WWOX: variants seen among roughly 807,000 people sequenced by gnomAD.
WWOX encodes the protein WW domain containing oxidoreductase.
WWOX carries 69 observed loss-of-function variants against 46.2 expected under a neutral mutation model. That is an observed-to-expected ratio of 1.49 (90% confidence interval 1.23 to 1.82). WWOX has a LOEUF of 1.82. WWOX is among the 40% of genes most tolerant of loss of function. The pLI is 0.00. For synonymous variants in WWOX, 359 were observed against 202.6 expected (o/e 1.77, Z -6.56); for missense variants, 919 against 542.6 (o/e 1.69, Z -6.89).
chr16:78,797,153 G>T (rs1204276592), intron 8 of WWOX, among the ~76,000 whole-genome samples: 1 of 151,896 alleles, frequency 6.6e-6, no homozygotes, highest in Non-Finnish European at 1.5e-5. Flanking sequence ...TAGAAGTGGG[G>T]AAATCGTACC....
chr16:78,949,503 G>C (rs1344533241), intron 8 of WWOX, among the ~76,000 whole-genome samples: 3 of 152,152 alleles, frequency 2.0e-5, no homozygotes, highest in Non-Finnish European at 4.4e-5. Flanking sequence ...GCTTTTGTGG[G>C]ATGATGAGTG....
intron 8 of WWOX, among the ~76,000 whole-genome samples, chr16:79,155,021 C>G (rs1290437453): frequency 6.6e-6 from 1 of 152,230 alleles, no homozygotes; most frequent in Admixed American, 6.5e-5. Flanking sequence ...TCATCTGTGC[C>G]TTCACCCAGA....
At chr16:78,557,397 ACATT>A (rs1160241827) in intron 8 of WWOX, among the ~76,000 whole-genome samples, 1 of 152,112 alleles carries the variant, frequency 6.6e-6, no homozygotes, top group Non-Finnish European at 1.5e-5. Context: ...CTCAATTGTC[ACATT>A]CATTCAGCAG....
intron 8 of WWOX, among the ~76,000 whole-genome samples, chr16:78,977,640 A>G (rs1021414710): frequency 7.2e-5 from 11 of 152,100 alleles, no homozygotes; most frequent in African/African-American, 2.2e-4. Flanking sequence ...GAAAACAGTG[A>G]AAGCTCAGCC....
At chr16:78,744,422 CTTTTTTTTTTTTTTTTTT>C (rs976073233) in intron 8 of WWOX, among the ~76,000 whole-genome samples, 2 of 82,256 alleles carry the variant, frequency 2.4e-5, no homozygotes, top group African/African-American at 1.2e-4. Context: ...GTCCACACTG[CTTTTTTTTTTTTTTTTTT>C]TTTTTTTTTG....
At chr16:78,310,264 G>A (rs565881186) in intron 5 of WWOX, among the ~76,000 whole-genome samples, 1 of 152,240 alleles carries the variant, frequency 6.6e-6, no homozygotes, top group East Asian at 1.9e-4. Context: ...CACCTCTATT[G>A]TATGTGGCTT....
At chr16:78,384,806 G>A (rs1228792871) in intron 5 of WWOX, among the ~76,000 whole-genome samples, 2 of 152,112 alleles carry the variant, frequency 1.3e-5, no homozygotes, top group African/African-American at 4.8e-5. Flanking sequence ...GGGGTTTGGG[G>A]ACATAATTTC....
chr16:78,541,066 G>C (rs1219990509), intron 8 of WWOX, among the ~76,000 whole-genome samples: 1 of 152,134 alleles, frequency 6.6e-6, no homozygotes, highest in Non-Finnish European at 1.5e-5. Flanking sequence ...TTTTTTAAAA[G>C]GCTTTTGAGA....
At chr16:78,751,294 G>C (rs2049469610) in intron 8 of WWOX, among the ~76,000 whole-genome samples, 1 of 151,338 alleles carries the variant, frequency 6.6e-6, no homozygotes, top group South Asian at 2.1e-4. Flanking sequence ...CTGACATCTA[G>C]CATTAAATTT....
intron 8 of WWOX, among the ~76,000 whole-genome samples, chr16:78,686,914 G>C (rs536936493): frequency 2.6e-5 from 4 of 152,324 alleles, no homozygotes; most frequent in African/African-American, 9.6e-5. Flanking sequence ...AAGCCACATA[G>C]TAATAAACAG....
At chr16:78,481,835 T>A (rs2084499811) in intron 8 of WWOX, among the ~76,000 whole-genome samples, 1 of 151,342 alleles carries the variant, frequency 6.6e-6, no homozygotes, top group African/African-American at 2.4e-5. Flanking sequence ...ACATAACACA[T>A]ATCTATGAAC....
At chr16:79,092,250 A>G (rs1456841352) in intron 8 of WWOX, among the ~76,000 whole-genome samples, 1 of 152,168 alleles carries the variant, frequency 6.6e-6, no homozygotes, top group East Asian at 1.9e-4. Flanking sequence ...TAGCCCACCG[A>G]TTATTAAGGC....
chr16:78,427,063 G>A (rs1004795293), intron 7 of WWOX, among the ~76,000 whole-genome samples: 6 of 152,170 alleles, frequency 3.9e-5, no homozygotes, highest in African/African-American at 9.7e-5. Context: ...ATGAGTGAGC[G>A]TGGTGACTTG....
At chr16:79,173,801 G>A (rs2050747336) in intron 8 of WWOX, among the ~76,000 whole-genome samples, 1 of 151,884 alleles carries the variant, frequency 6.6e-6, no homozygotes, top group Admixed American at 6.5e-5. Flanking sequence ...AAGGTTTAAT[G>A]ACAAAGTGGG....
At chr16:78,366,179 C>T (rs985064541) in intron 5 of WWOX, among the ~76,000 whole-genome samples, 3 of 152,180 alleles carry the variant, frequency 2.0e-5, no homozygotes, top group African/African-American at 4.8e-5. Flanking sequence ...TGCCAAAATG[C>T]ATTTCAAAAA....
At chr16:78,784,468 A>G (rs192561129) in intron 8 of WWOX, among the ~76,000 whole-genome samples, 2 of 152,150 alleles carry the variant, frequency 1.3e-5, no homozygotes, top group African/African-American at 4.8e-5. Context: ...GGGATTATTA[A>G]TATACTAGAT....
chr16:78,220,116 T>C (rs1173457100), intron 5 of WWOX, among the ~76,000 whole-genome samples: 2 of 152,194 alleles, frequency 1.3e-5, no homozygotes, highest in Admixed American at 6.5e-5. Context: ...TGAATGTTTG[T>C]TTATTCGGGG....
At chr16:78,768,761 T>G (rs2049989179) in intron 8 of WWOX, among the ~76,000 whole-genome samples, 1 of 152,204 alleles carries the variant, frequency 6.6e-6, no homozygotes, top group Non-Finnish European at 1.5e-5. Flanking sequence ...AATGCTCATT[T>G]CACAGCTTGC....
Position 78,804,590 on chromosome 16 carries a change from G to T in WWOX, c.1056+371838G>T, listed in dbSNP as rs531519360. ...CCCACTGGAGGGAAATTCATACCCA[G>T]GTCTTACACGTAGCTCAAAATGTTT... On this transcript the variant is annotated intron_variant, in intron 8 of 8. Coordinates refer to ENST00000566780, the MANE Select transcript of WWOX (RefSeq NM_016373.4). Among the ~76,000 whole-genome samples, 27 of 152,296 alleles carry T rather than the reference G, an allele frequency of 1.8e-4. No individual in the cohort carries two copies. The East Asian group carries it at 5.0e-3, about 28-fold the overall frequency.
Sources: gnomAD v4.1 joint callset for allele counts (sites outside exome capture counted in the v4.1 genomes callset) on GRCh38, gnomAD v4.1.1 for gene constraint, MANE v1.5 for transcripts, NCBI Gene and HGNC (gene_info 2026-07-23, HGNC 2026-07-21) for gene names.